OGFOD1: variants seen among roughly 807,000 people sequenced by gnomAD.
OGFOD1 encodes 2-oxoglutarate and iron dependent oxygenase domain containing 1.
In OGFOD1, 54 loss-of-function variants were observed where a neutral mutation model predicts 67.7. The ratio of observed to expected loss-of-function variants is 0.80; its 90% CI spans 0.64 to 1.00. OGFOD1 has a LOEUF of 1.00. OGFOD1 is among the 50% of genes least tolerant of loss of function. The probability of loss-of-function intolerance (pLI) is 0.00; values close to 1 mark genes in which losing one functional copy is unlikely to be tolerated. For synonymous variants in OGFOD1, 221 were observed against 227.0 expected, an observed-to-expected ratio of 0.97 and a Z score of 0.24; for missense variants, 606 against 646.7, an observed-to-expected ratio of 0.94 and a Z score of 0.68.
rs1164480346 is a variant in OGFOD1 at position 56,453,359 on chromosome 16, T to G, written c.251T>G (p.Met84Arg). 6.2e-7 allele frequency: 1 copy of G among 1,614,142 alleles called. No individual in the cohort carries two copies. The highest frequency in any genetic ancestry group is 2.2e-5 in the East Asian group (1 of 44,864). ...DFLEGLQKELMNLDFHEKYND... is the reference protein window; with the variant it reads ...DFLEGLQKELRNLDFHEKYND... Reference sequence around the variant, plus strand: ...TTAGAAGGGCTTCAGAAGGAACTGATGAACTTGGACTTCCATGAGAAGTAT... The same window carrying G: ...TTAGAAGGGCTTCAGAAGGAACTGAGGAACTTGGACTTCCATGAGAAGTAT... The change falls in exon 2 of 13, where the codon ATG becomes AGG. Residue 84 changes from methionine to arginine, a missense_variant. Transcript: ENST00000566157.
At chr16:56,453,499 T>C in intron 2 of OGFOD1, 91 bp downstream of exon 2, 1 of 1,378,514 alleles carries the variant, frequency 7.3e-7, no homozygotes. Context: ...GGTTTTAGGG[T>C]GGGTTTGCCT....
At chr16:56,468,321 A>T (rs766722521) in intron 8 of OGFOD1, among the ~76,000 whole-genome samples, 4 of 152,216 alleles carry the variant, frequency 2.6e-5, no homozygotes, top group Non-Finnish European at 5.9e-5. Flanking sequence ...CATCTAACAA[A>T]TATGGTGCTT....
intron 8 of OGFOD1, 26 bp downstream of exon 8, chr16:56,468,044 A>G (rs1411179351): frequency 7.9e-7 from 1 of 1,265,694 alleles, no homozygotes; most frequent in South Asian, 1.2e-5. Context: ...GTTGTTCTGA[A>G]TATTTTGTTT....
intron 7 of OGFOD1, among the ~76,000 whole-genome samples, 160 bp from the exon 8 acceptor site, chr16:56,467,742 TAAA>T: frequency 1.3e-5 from 2 of 152,116 alleles, no homozygotes; most frequent in Non-Finnish European, 2.9e-5. Context: ...TTTTCTTAAG[TAAA>T]CTTTTGAGAG....
intron 3 of OGFOD1, among the ~76,000 whole-genome samples, chr16:56,461,838 A>G (rs146973531): frequency 0.017 from 2,611 of 152,268 alleles, 29 homozygotes; most frequent in Non-Finnish European, 0.028. Context: ...GCTCATGCCT[A>G]TAATCCCAGC....
At chr16:56,469,864 A>AG (rs2144028938) in intron 8 of OGFOD1, 139 bp from the exon 9 acceptor site, 1 of 618,502 alleles carries the variant, frequency 1.6e-6, no homozygotes, top group Admixed American at 3.0e-5. Flanking sequence ...AAAAAAAAAA[A>AG]AAAAAAAAAG....
chr16:56,452,145 T>G, intron 1 of OGFOD1: 1 of 175,214 alleles, frequency 5.7e-6, no homozygotes, highest in Non-Finnish European at 1.2e-5. Flanking sequence ...GTTCATAATA[T>G]TTACCTCGGA....
In OGFOD1 at chr16:56,467,906, A is replaced by G; in HGVS notation, c.788A>G (p.His263Arg). ...IPRSPHIPQD[H>R]EILYDWINPT... ...TTGCATCTGCTGCCTCTTCGTAAGC[A>G]TGAGATTTTGTATGATTGGATCAAC... Residue 263 changes from histidine (H) to arginine (R), a missense_variant and splice_region_variant, in exon 8 of 13, where the codon CAT becomes CGT. His to Arg is a conservative substitution (Grantham distance 29). Transcript: ENST00000566157. 3 of 1,516,616 alleles carry G rather than the reference A, an allele frequency of 2.0e-6. No homozygotes were observed. The highest frequency in any genetic ancestry group is 1.1e-5 in the South Asian group (1 of 89,060). 93.9% of individuals were successfully genotyped at this position (1,516,616 alleles called of 1,614,324 possible).
At position 56,476,395 on chromosome 16, in the gene OGFOD1, T is replaced by C. The variant is rs560181328; in HGVS notation, c.*190T>C. The stretch of plus-strand genomic sequence containing the variant: ...CCTTGAGCTTGCAGCTAAGTACTTA[T>C]CTCTTGATTAAAAAAAAAAAGTTGG... On this transcript the variant is annotated 3_prime_UTR_variant, in exon 13 of 13. Coordinates refer to ENST00000566157, the MANE Select transcript of OGFOD1 (RefSeq NM_018233.4). The C allele has an allele frequency of 1.4e-4, 54 of 382,694 alleles. No individual in the cohort carries two copies. The East Asian group carries it at 1.7e-3, about 12-fold the overall frequency. The allele number at this position is 382,694 out of a possible 1,614,324, so 23.7% of individuals were successfully genotyped here. A position where few individuals can be genotyped will look rare whatever the true frequency, so the allele number is the denominator to read the frequency against.
Position 56,466,953 on chromosome 16 carries a change from G to A in OGFOD1, c.643G>A (p.Val215Met), listed in dbSNP as rs750081376. ...ACTGGTTTTCTTTGAAGTATCTCCT[G>A]TGTCCTTTCACCAGGTAAAGACTGT... Reference protein sequence around the residue: ...NKLVFFEVSPVSFHQVSEVLS... With the variant: ...NKLVFFEVSPMSFHQVSEVLS... The change falls in exon 6 of 13, where the codon GTG (valine) becomes ATG (methionine). Residue 215 changes from valine to methionine, a missense_variant. By Grantham distance (21) the Val-to-Met change is conservative (BLOSUM62 1). Coordinates refer to ENST00000566157, the MANE Select transcript of OGFOD1 (RefSeq NM_018233.4). 1 of 1,611,574 alleles carries A rather than the reference G, an allele frequency of 6.2e-7. No homozygotes were observed. The highest frequency in any genetic ancestry group is 1.1e-5 in the South Asian group (1 of 91,016).
chr16:56,459,715 A>T (rs1962647330), intron 3 of OGFOD1, among the ~76,000 whole-genome samples: 1 of 152,256 alleles, frequency 6.6e-6, no homozygotes, highest in South Asian at 2.1e-4. Flanking sequence ...AGAGAAAAAA[A>T]TAATACACAC....
In OGFOD1 at chr16:56,451,632, C is replaced by G; in HGVS notation, c.20C>G (p.Ala7Gly). The G allele has an allele frequency of 6.2e-7, 1 of 1,613,708 alleles. No individual in the cohort carries two copies. The highest frequency in any genetic ancestry group is 8.5e-7 in the Non-Finnish European group (1 of 1,179,976). ...GAAGAGATGAATGGGAAGCGGCCAG[C>G]GGAGCCCGGCCCAGCCCGGGTGGGA... MNGKRPAEPGPARVGKK... is the reference protein window; with the variant it reads MNGKRPGEPGPARVGKK... The change falls in exon 1 of 13, where the codon GCG (alanine) becomes GGG (glycine). Residue 7 changes from alanine to glycine, a missense_variant. By Grantham distance (60) the Ala-to-Gly change is moderately conservative (BLOSUM62 0). Coordinates refer to ENST00000566157, the MANE Select transcript of OGFOD1 (RefSeq NM_018233.4).
At chr16:56,471,328 C>T (rs1484791747) in intron 10 of OGFOD1, among the ~76,000 whole-genome samples, 1 of 150,780 alleles carries the variant, frequency 6.6e-6, no homozygotes, top group Non-Finnish European at 1.5e-5. Flanking sequence ...CACCATTGCA[C>T]TCCAGCCTGG....
In OGFOD1 at chr16:56,458,529, C is replaced by A. The variant is rs750194233; in HGVS notation, c.301-19C>A. On this transcript the variant is annotated intron_variant, in intron 2 of 12. Transcript: ENST00000566157. ...TATGTGAAGGAAATCCCTTTTTTTT[C>A]TCTATTTTCATGATCAAGTCTGATG... 6.2e-7 allele frequency: 1 copy of A among 1,609,328 alleles called. No homozygotes were observed. The highest frequency in any genetic ancestry group is 8.5e-7 in the Non-Finnish European group (1 of 1,176,188).
chr16:56,462,092 C>CAA (rs529147206), intron 3 of OGFOD1, among the ~76,000 whole-genome samples: 157 of 130,142 alleles, frequency 1.2e-3, no homozygotes, highest in South Asian at 4.8e-3. Flanking sequence ...GACTCTATCT[C>CAA]AAAAAAAAAA....
At chr16:56,466,033 C>T (rs572019622) in intron 4 of OGFOD1, 119 bp from the exon 5 acceptor site, 1 of 681,786 alleles carries the variant, frequency 1.5e-6, no homozygotes. Flanking sequence ...AGCTGGAGGA[C>T]ATTTAAAGCT....
At chr16:56,452,858 A>G (rs2029995512) in intron 1 of OGFOD1, among the ~76,000 whole-genome samples, 2 of 152,156 alleles carry the variant, frequency 1.3e-5, no homozygotes, top group African/African-American at 4.8e-5. Flanking sequence ...TGCCTCTGAC[A>G]GTAACTTGGG....
rs1434151886 is a variant in OGFOD1 at position 56,466,162 on chromosome 16, G to A, written c.459G>A (p.Leu153=). 2 of 1,613,754 alleles carry A rather than the reference G, an allele frequency of 1.2e-6. No homozygotes were observed. The highest frequency in any genetic ancestry group is 2.7e-5 in the African/African-American group (2 of 74,924). The part of the protein sequence containing the change: ...CAKYEFTDAL[L]CHDDELEGRR... ...ATTAAACTATTGCAGATGCCCTGCT[G>A]TGCCATGATGATGAGCTGGAAGGGC... Residue 153 remains leucine (L), a synonymous_variant, in exon 5 of 13, where the codon CTG becomes CTA. Transcript: ENST00000566157.
intron 2 of OGFOD1, among the ~76,000 whole-genome samples, chr16:56,455,706 A>C (rs1962503173): frequency 6.6e-6 from 1 of 152,168 alleles, no homozygotes; most frequent in African/African-American, 2.4e-5. Context: ...TGTATTTTTT[A>C]AAGCAAGCAT....
Sources: gnomAD v4.1 joint callset for allele counts (sites outside exome capture counted in the v4.1 genomes callset) on GRCh38, gnomAD v4.1.1 for gene constraint, MANE v1.5 for transcripts, NCBI Gene and HGNC (gene_info 2026-07-23, HGNC 2026-07-21) for gene names.